GATA4: variants seen among roughly 807,000 people sequenced by gnomAD.
GATA4 encodes transcription factor GATA-4.
In GATA4, 7 loss-of-function variants were observed where a neutral mutation model predicts 37.9. That is an observed-to-expected ratio of 0.18 (90% CI 0.11 to 0.35). The LOEUF (loss-of-function observed/expected upper bound fraction) is 0.35. Ranked by LOEUF, GATA4 falls within the 10% of genes least tolerant of loss-of-function variation. The pLI, the probability that GATA4 is intolerant of heterozygous loss-of-function variation, is 1.00. For synonymous variants in GATA4, 372 were observed against 292.6 expected (o/e 1.27, Z -2.77); for missense variants, 647 against 653.0 (o/e 0.99, Z 0.10).
chr8:11,703,929 G>A (rs1022084797), upstream of GATA4, among the ~76,000 whole-genome samples: 7 of 152,236 alleles, frequency 4.6e-5, no homozygotes, highest in Non-Finnish European at 8.8e-5. Context: ...CATTAATAAA[G>A]CTGACCCTGG....
intron 2 of GATA4, among the ~76,000 whole-genome samples, chr8:11,725,809 G>C (rs1178687567): frequency 6.6e-6 from 1 of 152,348 alleles, no homozygotes; most frequent in South Asian, 2.1e-4. Flanking sequence ...GGAAGCAGAA[G>C]GTGCATCTTG....
In GATA4 at chr8:11,708,084, T is replaced by A. The variant is rs1446082628; in HGVS notation, c.-229T>A. ...CATCAGCTTCCGGAACCACCAAAAA[T>A]TCAAATTGGGATTTTCCGGAGTAAA... On this transcript the variant is annotated 5_prime_UTR_variant, in exon 2 of 7. Transcript: ENST00000532059. The surrounding 1 kb of genome is among the most constrained non-coding windows in gnomAD (Gnocchi z 6.7). 8.1e-6 allele frequency: 5 copies of A among 621,050 alleles called. No homozygotes were observed. The East Asian group carries it at 1.5e-4, about 18-fold the overall frequency. The allele number at this position is 621,050 out of a possible 1,614,324, so 38.5% of individuals were successfully genotyped here. A position where few individuals can be genotyped will look rare whatever the true frequency, so the allele number is the denominator to read the frequency against.
rs574139294 is a variant in GATA4 at position 11,744,023 on chromosome 8, G to C, written c.617-4893G>C. 1.6e-3 allele frequency among the ~76,000 whole-genome samples: 237 copies of C among 152,182 alleles called. 1 individual carries two copies. The highest frequency in any genetic ancestry group is 1.7e-3 in the Non-Finnish European group (119 of 68,042). ...AATACTTCCCATGAGAAGCAACTTGGAGACTGAGTACAAGTGAACGCGGTC... is the reference window on the plus strand; with the variant it reads ...AATACTTCCCATGAGAAGCAACTTGCAGACTGAGTACAAGTGAACGCGGTC... On this transcript the variant is annotated intron_variant, in intron 2 of 6. Transcript: ENST00000532059.
chr8:11,758,222 T>A, intron 6 of GATA4, 71 bp from the exon 7 acceptor site: 1 of 1,528,040 alleles, frequency 6.5e-7, no homozygotes, highest in Non-Finnish European at 9.1e-7. Flanking sequence ...CAGGGCACCC[T>A]CCCCAGCCTA....
At chr8:11,729,946 G>GAGA (rs3030048) in intron 2 of GATA4, among the ~76,000 whole-genome samples, 49,739 of 151,884 alleles carry the variant, frequency 0.33, 10,398 homozygotes, top group Non-Finnish European at 0.48. Context: ...TTGTTTTTGA[G>GAGA]AGAAGGTCTT....
intron 2 of GATA4, among the ~76,000 whole-genome samples, chr8:11,731,953 C>T (rs1441393550): frequency 6.6e-6 from 1 of 152,162 alleles, no homozygotes; most frequent in East Asian, 1.9e-4. Context: ...TTTCTCTTTG[C>T]CCAAGCCTCA....
intron 1 of GATA4, among the ~76,000 whole-genome samples, chr8:11,698,946 T>G (rs1799586616): frequency 6.6e-6 from 1 of 152,196 alleles, no homozygotes; most frequent in African/African-American, 2.4e-5. Flanking sequence ...TATTCTACTC[T>G]GAGAAATGGC....
intron 1 of GATA4, chr8:11,681,432 A>G: frequency 1.0e-6 from 1 of 982,666 alleles, no homozygotes. Flanking sequence ...GGCCGTAGCT[A>G]CGATCCCCGC....
intron 2 of GATA4, among the ~76,000 whole-genome samples, chr8:11,713,388 A>G (rs1800285579): frequency 6.6e-6 from 1 of 152,160 alleles, no homozygotes; most frequent in Non-Finnish European, 1.5e-5. Context: ...GCACTTAGCA[A>G]ATATTTGCGT....
At chr8:11,678,647 A>G (rs1420826009) in intron 1 of GATA4, among the ~76,000 whole-genome samples, 1 of 152,230 alleles carries the variant, frequency 6.6e-6, no homozygotes, top group Non-Finnish European at 1.5e-5. Context: ...TGGCTTTTTA[A>G]GTAGTAGTAG....
chr8:11,712,005 A>G (rs1800206188), intron 2 of GATA4, among the ~76,000 whole-genome samples: 1 of 152,208 alleles, frequency 6.6e-6, no homozygotes, highest in South Asian at 2.1e-4. Flanking sequence ...ATTCAGTTCC[A>G]GGAGCCTCGT....
At chr8:11,729,039 C>T (rs1238895375) in intron 2 of GATA4, among the ~76,000 whole-genome samples, 1 of 151,476 alleles carries the variant, frequency 6.6e-6, no homozygotes, top group Non-Finnish European at 1.5e-5. Context: ...TCGAGACCAG[C>T]CGGGCCAACA....
chr8:11,744,968 C>G (rs1432198997), intron 2 of GATA4, among the ~76,000 whole-genome samples: 2 of 152,136 alleles, frequency 1.3e-5, no homozygotes, highest in Non-Finnish European at 2.9e-5. Context: ...ATATTCAAAT[C>G]CAATTTGTCC....
upstream of GATA4, among the ~76,000 whole-genome samples, chr8:11,702,277 C>T (rs1038233913): frequency 2.6e-5 from 4 of 152,212 alleles, no homozygotes; most frequent in African/African-American, 9.6e-5. The surrounding 1 kb of genome is among the most constrained non-coding windows in gnomAD (Gnocchi z 4.4). Flanking sequence ...GGTCCAGACT[C>T]AGCCCTTTTC....
At position 11,744,240 on chromosome 8, in the gene GATA4, C is replaced by T. The variant is rs146367779; in HGVS notation, c.617-4676C>T. On this transcript the variant is annotated intron_variant, in intron 2 of 6. Coordinates refer to ENST00000532059, the MANE Select transcript of GATA4 (RefSeq NM_001308093.3). ...TGGTCTTTCCCACTCCCTCCTGACCCCTCCAACTTCAGCCTCCTAACAATA... is the reference window on the plus strand; with the variant it reads ...TGGTCTTTCCCACTCCCTCCTGACCTCTCCAACTTCAGCCTCCTAACAATA... Among the ~76,000 whole-genome samples, 89 of 152,366 alleles carry T rather than the reference C, an allele frequency of 5.8e-4. No individual in the cohort carries two copies. The East Asian group carries it at 0.012, about 20-fold the overall frequency.
intron 2 of GATA4, among the ~76,000 whole-genome samples, chr8:11,730,835 C>G (rs1035236129): frequency 1.3e-5 from 2 of 152,204 alleles, no homozygotes; most frequent in Non-Finnish European, 2.9e-5. Flanking sequence ...ACAGAAGGCC[C>G]GAGGCTGGCG....
chr8:11,724,471 A>G (rs1398008835), intron 2 of GATA4, among the ~76,000 whole-genome samples: 1 of 152,156 alleles, frequency 6.6e-6, no homozygotes, highest in Non-Finnish European at 1.5e-5. Context: ...CATTCTCAAC[A>G]TCTCCAACGT....
Position 11,759,018 on chromosome 8 carries a change from GA to G in GATA4, c.*545del. The G allele has an allele frequency of 5.5e-6, 1 of 181,252 alleles. No individual in the cohort carries two copies. The highest frequency in any genetic ancestry group is 1.2e-5 in the Non-Finnish European group (1 of 84,590). 11.2% of individuals were successfully genotyped at this position (181,252 alleles called of 1,614,324 possible). A position where few individuals can be genotyped will look rare whatever the true frequency, so the allele number is the denominator to read the frequency against. On this transcript the variant is annotated 3_prime_UTR_variant, in exon 7 of 7. Transcript: ENST00000532059. The stretch of plus-strand genomic sequence containing the variant: ...TGTGGGGTGTGACATACAAGTGACT[GA>G]ACACTTCCTGGGGAGCTACAGGGGC...
In GATA4 at chr8:11,749,360, A is replaced by G. The variant is rs1480111935; in HGVS notation, c.786+275A>G. On this transcript the variant is annotated intron_variant, in intron 3 of 6. Coordinates refer to ENST00000532059, the MANE Select transcript of GATA4 (RefSeq NM_001308093.3). The surrounding 1 kb of genome is among the most constrained non-coding windows in gnomAD (Gnocchi z 4.6). ...CAGCCACTCAGGTACTGAGTCTCCC[A>G]TCTAGAACTCTGGAACCAGAATCCA... Among the ~76,000 whole-genome samples, 1 of 152,192 alleles carries G rather than the reference A, an allele frequency of 6.6e-6. No individual in the cohort carries two copies. The highest frequency in any genetic ancestry group is 1.5e-5 in the Non-Finnish European group (1 of 68,030).
Sources: gnomAD v4.1 joint callset for allele counts (sites outside exome capture counted in the v4.1 genomes callset) on GRCh38, gnomAD v4.1.1 for gene constraint, Gnocchi (gnomAD v3.1) non-coding constraint, MANE v1.5 for transcripts, NCBI Gene and HGNC (gene_info 2026-07-23, HGNC 2026-07-21) for gene names.